The following BICC1 variants were observed in gnomAD, a reference collection of about 807,000 sequenced individuals.
BICC1 encodes the protein BicC family RNA binding protein 1, also known as protein bicaudal C homolog 1.
A neutral mutation model predicts 111.0 loss-of-function variants in BICC1; 43 were observed. The ratio of observed to expected loss-of-function variants is 0.39; its 90% CI spans 0.30 to 0.50. The LOEUF (loss-of-function observed/expected upper bound fraction) is 0.50. BICC1 is among the 20% of genes least tolerant of loss of function. The pLI, the probability that BICC1 is intolerant of heterozygous loss-of-function variation, is 0.88. For missense variants in BICC1, 1,091 were observed against 1,203.2 expected (o/e 0.91, Z 1.38); for synonymous variants, 467 against 434.4 (o/e 1.07, Z -0.93).
At chr10:58,607,546 G>A (rs192727196) in intron 1 of BICC1, among the ~76,000 whole-genome samples, 21 of 146,708 alleles carry the variant, frequency 1.4e-4, no homozygotes, top group South Asian at 2.2e-4. Context: ...TGTCCTTTTC[G>A]TCCCCCTTCG....
At chr10:58,806,343 A>G (rs943628686) in intron 15 of BICC1, among the ~76,000 whole-genome samples, 1 of 152,152 alleles carries the variant, frequency 6.6e-6, no homozygotes, top group Non-Finnish European at 1.5e-5. Flanking sequence ...GAAAAATTCT[A>G]ACTCTTAAAG....
Position 58,706,086 on chromosome 10 carries a change from G to A in BICC1, c.307+3943G>A, listed in dbSNP as rs539361633. ...TAACTCCTTCTGACTCTTAGATTGA[G>A]AATACTAGAACAGTCTCCTTTACAT... On this transcript the variant is annotated intron_variant, in intron 3 of 20. Coordinates refer to ENST00000373886, the MANE Select transcript of BICC1 (RefSeq NM_001080512.3). Among the ~76,000 whole-genome samples the A allele has an allele frequency of 5.3e-5, 8 of 152,254 alleles. No individual in the cohort carries two copies. The East Asian group carries it at 1.5e-3, about 29-fold the overall frequency.
chr10:58,632,568 T>A (rs1837828064), intron 2 of BICC1, among the ~76,000 whole-genome samples: 1 of 151,998 alleles, frequency 6.6e-6, no homozygotes, highest in African/African-American at 2.4e-5. Context: ...AGAAAGTGTT[T>A]GAGGTGCGTT....
At chr10:58,682,018 TCC>T (rs1211673998) in intron 2 of BICC1, among the ~76,000 whole-genome samples, 1 of 77,734 alleles carries the variant, frequency 1.3e-5, no homozygotes. Context: ...CCTCCCTCCC[TCC>T]CCCCACCCCA....
chr10:58,795,595 T>C (rs2132842854), intron 9 of BICC1, among the ~76,000 whole-genome samples: 1 of 152,096 alleles, frequency 6.6e-6, no homozygotes, highest in South Asian at 2.1e-4. Flanking sequence ...GGCCATTTAA[T>C]TATGCCCAGC....
At chr10:58,622,748 A>G (rs908479108) in intron 2 of BICC1, among the ~76,000 whole-genome samples, 9 of 152,220 alleles carry the variant, frequency 5.9e-5, no homozygotes, top group African/African-American at 1.9e-4. Context: ...AGAAGTAGAC[A>G]TTATGGTTCA....
At chr10:58,709,987 G>A (rs1485788478) in intron 3 of BICC1, among the ~76,000 whole-genome samples, 4 of 152,032 alleles carry the variant, frequency 2.6e-5, no homozygotes, top group Non-Finnish European at 5.9e-5. Flanking sequence ...TTTTGGTTGT[G>A]GTTATTTTAA....
chr10:58,516,531 C>T (rs1896243), intron 1 of BICC1, among the ~76,000 whole-genome samples: 81,967 of 151,730 alleles, frequency 0.54, 23,190 homozygotes, highest in African/African-American at 0.71. Flanking sequence ...ATTACTACTT[C>T]GAAACAACCA....
chr10:58,643,013 T>A (rs1838169223), intron 2 of BICC1, among the ~76,000 whole-genome samples: 2 of 152,206 alleles, frequency 1.3e-5, no homozygotes. Context: ...CCTGTCTTTA[T>A]TATTCTTGTA....
chr10:58,565,558 C>A (rs1182164565), intron 1 of BICC1, among the ~76,000 whole-genome samples: 2 of 152,178 alleles, frequency 1.3e-5, no homozygotes, highest in African/African-American at 2.4e-5. Flanking sequence ...CCTTGCCCCC[C>A]CGATGTATGC....
At chr10:58,724,401 G>A (rs1564575803) in intron 3 of BICC1, among the ~76,000 whole-genome samples, 1 of 152,004 alleles carries the variant, frequency 6.6e-6, no homozygotes, top group African/African-American at 2.4e-5. Flanking sequence ...GTATATGTGT[G>A]TATGTGTGTG....
At chr10:58,521,686 A>C (rs1184661566) in intron 1 of BICC1, among the ~76,000 whole-genome samples, 1 of 146,618 alleles carries the variant, frequency 6.8e-6, no homozygotes, top group Non-Finnish European at 1.5e-5. Flanking sequence ...ATTGAAGTGA[A>C]TTTTATCTTA....
intron 2 of BICC1, among the ~76,000 whole-genome samples, chr10:58,634,456 C>A (rs1160899362): frequency 6.6e-6 from 1 of 152,122 alleles, no homozygotes; most frequent in Non-Finnish European, 1.5e-5. Context: ...ATTATTGATG[C>A]TTTAACTAGA....
intron 17 of BICC1, among the ~76,000 whole-genome samples, chr10:58,812,739 A>G (rs1234032453): frequency 1.3e-5 from 2 of 152,264 alleles, no homozygotes; most frequent in African/African-American, 4.8e-5. Flanking sequence ...TGGCCTCCCA[A>G]AGTGCTGGAA....
chr10:58,780,804 A>G (rs1589131835), intron 3 of BICC1, among the ~76,000 whole-genome samples: 2 of 152,216 alleles, frequency 1.3e-5, no homozygotes, highest in East Asian at 3.9e-4. Context: ...TATTCTTACA[A>G]TAGAGTAAGG....
chr10:58,806,635 A>T lies in BICC1; in HGVS notation c.2221+12A>T. The T allele has an allele frequency of 6.3e-7, 1 of 1,599,302 alleles. No homozygotes were observed. Among genetic ancestry groups the T allele is most frequent in the Non-Finnish European group, 8.6e-7 (1 of 1,167,084 alleles). ...ATTAGCCACCAAAGGTATGTAATAC[A>T]CTAATAACTTACACTTGACTATATT... On this transcript the variant is annotated intron_variant, in intron 16 of 20. Transcript: ENST00000373886.
intron 1 of BICC1, among the ~76,000 whole-genome samples, chr10:58,533,850 G>A (rs1842750270): frequency 1.3e-5 from 2 of 151,766 alleles, no homozygotes; most frequent in African/African-American, 4.8e-5. Context: ...AAGGCAGCAA[G>A]AGCCGCAAAG....
rs200405944 is a variant in BICC1 at position 58,655,141 on chromosome 10, G to A, written c.237+34240G>A. ...TGATGCCTCCAGCTTTATTCTTTTG[G>A]CTTAAGATTGCCTTGGCGATGCGGG... On this transcript the variant is annotated intron_variant, in intron 2 of 20. Coordinates refer to ENST00000373886, the MANE Select transcript of BICC1 (RefSeq NM_001080512.3). Among the ~76,000 whole-genome samples the A allele has an allele frequency of 7.5e-4, 106 of 141,374 alleles. 1 individual carries two copies. In the East Asian group the frequency reaches 0.021, roughly 28 times the overall value. 92.7% of individuals were successfully genotyped at this position (141,374 alleles called of 152,430 possible). A position where few individuals can be genotyped will look rare whatever the true frequency, so the allele number is the denominator to read the frequency against.
chr10:58,513,230 C>T lies in BICC1; in HGVS notation c.87C>T (p.Pro29=), dbSNP rs1213243217. Residue 29 remains proline, a synonymous_variant, in exon 1 of 21, where the codon CCC becomes CCT. Coordinates refer to ENST00000373886, the MANE Select transcript of BICC1 (RefSeq NM_001080512.3). Reference sequence around the variant, plus strand: ...AGCGCAGCACCGACTCCCCAGTGCCCGGCTCCGAGGACGACTTGGTCGCCG... The same window carrying T: ...AGCGCAGCACCGACTCCCCAGTGCCTGGCTCCGAGGACGACTTGGTCGCCG... The part of the protein sequence containing the change: ...NSERSTDSPV[P]GSEDDLVAGA... 6.2e-7 allele frequency: 1 copy of T among 1,612,624 alleles called. No individual in the cohort carries two copies. The highest frequency in any genetic ancestry group is 1.1e-5 in the South Asian group (1 of 90,972).
Sources: gnomAD v4.1 joint callset for allele counts (sites outside exome capture counted in the v4.1 genomes callset) on GRCh38, gnomAD v4.1.1 for gene constraint, MANE v1.5 for transcripts, NCBI Gene and HGNC (gene_info 2026-07-23, HGNC 2026-07-21) for gene names.